Variants in CDH13 observed in about 807,000 individuals in gnomAD.
CDH13 encodes the protein cadherin 13, also known as cadherin-13.
CDH13 carries 24 observed loss-of-function variants against 63.8 expected under a neutral mutation model. The ratio of observed to expected loss-of-function variants is 0.38; its 90% CI spans 0.27 to 0.53. The LOEUF is 0.53. Among genes scored for constraint, CDH13 ranks in the 20% least tolerant of loss-of-function variants. The pLI is 0.85. For synonymous variants in CDH13, 503 were observed against 355.3 expected (o/e 1.42, Z -4.67); for missense variants, 1,049 against 903.1 (o/e 1.16, Z -2.07).
intron 3 of CDH13, among the ~76,000 whole-genome samples, chr16:83,068,449 T>C (rs928261252): frequency 6.6e-6 from 1 of 152,168 alleles, no homozygotes; most frequent in Admixed American, 6.6e-5. Flanking sequence ...ACTTGTGTGA[T>C]GACGTTCAGG....
Position 83,586,765 on chromosome 16 carries a change from C to G in CDH13, c.961-15689C>G, listed in dbSNP as rs115848178. 5.2e-3 allele frequency among the ~76,000 whole-genome samples: 796 copies of G among 152,268 alleles called. 6 individuals are homozygous for G. Among genetic ancestry groups the G allele is most frequent in the African/African-American group, 0.019 (775 of 41,554 alleles). On this transcript the variant is annotated intron_variant, in intron 7 of 13. Transcript: ENST00000567109. ...AAGCTGACTGTACCAGGCATAAAAT[C>G]ACGGGGGGAGCCTTCCAGAATAATC...
intron 7 of CDH13, among the ~76,000 whole-genome samples, chr16:83,568,024 C>T (rs950120192): frequency 6.6e-6 from 1 of 152,186 alleles, no homozygotes; most frequent in Non-Finnish European, 1.5e-5. Context: ...CATTACTTCA[C>T]CTCCAAACCC....
chr16:83,121,653 A>G (rs1412384275), intron 3 of CDH13, among the ~76,000 whole-genome samples: 1 of 152,192 alleles, frequency 6.6e-6, no homozygotes, highest in African/African-American at 2.4e-5. Flanking sequence ...GCTATGGAAC[A>G]TTTAGGATGT....
intron 4 of CDH13, among the ~76,000 whole-genome samples, chr16:83,204,051 C>T (rs971339134): frequency 2.0e-5 from 3 of 152,208 alleles, no homozygotes; most frequent in African/African-American, 7.2e-5. Context: ...GTCCCTCGTC[C>T]TGGCTCTGCC....
chr16:83,134,945 G>A (rs889260345), intron 4 of CDH13, among the ~76,000 whole-genome samples: 2 of 152,046 alleles, frequency 1.3e-5, no homozygotes, highest in African/African-American at 4.8e-5. Flanking sequence ...CCATTTTAAA[G>A]GTTCCTAGAA....
At position 82,879,016 on chromosome 16, in the gene CDH13, C is replaced by T. The variant is rs117794999; in HGVS notation, c.157+20543C>T. ...TCCTACCCCATGACCATGACACCAA[C>T]TACATCCATGATGTATATTTCCAAT... is the stretch of plus-strand genomic sequence containing the variant. On this transcript the variant is annotated intron_variant, in intron 2 of 13. Transcript: ENST00000567109. Among the ~76,000 whole-genome samples, 674 of 152,244 alleles carry T rather than the reference C, an allele frequency of 4.4e-3. 21 individuals are homozygous for T. The East Asian group carries it at 0.083, about 19-fold the overall frequency.
Position 83,434,847 on chromosome 16 carries a change from A to ATGTGTGTGTG in CDH13, c.782-51622_782-51621insTGTGTGTGTG, listed in dbSNP as rs1267789287. ...CTGCACCTATTTAAAATATATATAT[A>ATGTGTGTGTG]TGTGTGTGCGTGTGTGTGTGTGTGT... On this transcript the variant is annotated intron_variant, in intron 6 of 13. Transcript: ENST00000567109. Among the ~76,000 whole-genome samples the ATGTGTGTGTG allele has an allele frequency of 5.8e-3, 474 of 81,454 alleles. 1 individual carries two copies. The highest frequency in any genetic ancestry group is 0.03 in the Middle Eastern group (4 of 132). 53.4% of individuals were successfully genotyped at this position (81,454 alleles called of 152,430 possible).
intron 7 of CDH13, among the ~76,000 whole-genome samples, chr16:83,529,430 G>T (rs142226377): frequency 2.0e-5 from 3 of 152,074 alleles, no homozygotes; most frequent in East Asian, 1.9e-4. Flanking sequence ...AAAAATAAAA[G>T]GTTAGATCTC....
intron 3 of CDH13, among the ~76,000 whole-genome samples, chr16:83,049,420 C>T (rs1388046690): frequency 6.7e-6 from 1 of 150,254 alleles, no homozygotes; most frequent in Non-Finnish European, 1.5e-5. Context: ...CTGCAAGCTC[C>T]ACCTCCTGGG....
chr16:83,413,961 T>C (rs550274853), intron 6 of CDH13, among the ~76,000 whole-genome samples: 1 of 152,178 alleles, frequency 6.6e-6, no homozygotes, highest in East Asian at 1.9e-4. Context: ...ACCACTGTAC[T>C]CCAGCCTGGG....
chr16:83,125,127 A>G (rs895491599), intron 3 of CDH13, among the ~76,000 whole-genome samples: 1 of 152,230 alleles, frequency 6.6e-6, no homozygotes, highest in Non-Finnish European at 1.5e-5. Flanking sequence ...GGGATGAGTA[A>G]ATCAAGACTG....
chr16:83,474,263 A>G (rs2073541189), intron 6 of CDH13, among the ~76,000 whole-genome samples: 1 of 152,160 alleles, frequency 6.6e-6, no homozygotes, highest in Non-Finnish European at 1.5e-5. Flanking sequence ...CTTTAAGCCA[A>G]CTTTACACAG....
chr16:82,714,585 A>C (rs2032211526), intron 1 of CDH13, among the ~76,000 whole-genome samples: 1 of 151,408 alleles, frequency 6.6e-6, no homozygotes, highest in Non-Finnish European at 1.5e-5. Context: ...GTGTTGGCAT[A>C]CACCTGTAGT....
chr16:83,228,992 C>T (rs1424187), intron 5 of CDH13, among the ~76,000 whole-genome samples: 92,240 of 151,876 alleles, frequency 0.61, 29,947 homozygotes, highest in East Asian at 0.85. Flanking sequence ...GGGATTAGTC[C>T]AAACTCATAG....
intron 1 of CDH13, among the ~76,000 whole-genome samples, chr16:82,651,295 T>C (rs1420448278): frequency 6.6e-6 from 1 of 152,230 alleles, no homozygotes; most frequent in East Asian, 1.9e-4. Context: ...CTTCTGAATA[T>C]GATTAACTTC....
intron 8 of CDH13, among the ~76,000 whole-genome samples, chr16:83,663,635 C>G (rs548350998): frequency 6.6e-6 from 1 of 152,152 alleles, no homozygotes; most frequent in Non-Finnish European, 1.5e-5. Context: ...ATGACTCCGA[C>G]TCTTCAGGAG....
At chr16:83,664,527 ATAT>A (rs1040753915) in intron 8 of CDH13, among the ~76,000 whole-genome samples, 1 of 148,142 alleles carries the variant, frequency 6.8e-6, no homozygotes, top group African/African-American at 2.5e-5. Flanking sequence ...TTTTATTTTT[ATAT>A]TATATTTCAT....
At position 82,666,804 on chromosome 16, in the gene CDH13, G is replaced by T. The variant is rs557450765; in HGVS notation, c.45+39667G>T. On this transcript the variant is annotated intron_variant, in intron 1 of 13. Coordinates refer to ENST00000567109, the MANE Select transcript of CDH13 (RefSeq NM_001257.5). ...AAGCTGGTGAATCCAGAATTTAAAA[G>T]TAGAACATTTAATCCCAGAGCCAGC... Among the ~76,000 whole-genome samples, 4 of 152,280 alleles carry T rather than the reference G, an allele frequency of 2.6e-5. No homozygotes were observed. In the South Asian group the frequency reaches 8.3e-4, roughly 32 times the overall value.
chr16:83,145,687 A>G (rs572033575), intron 4 of CDH13, among the ~76,000 whole-genome samples: 13 of 152,292 alleles, frequency 8.5e-5, no homozygotes, highest in African/African-American at 2.9e-4. Context: ...TGCTAGGCTT[A>G]TTCTCTTCCT....
Sources: gnomAD v4.1 joint callset for allele counts (sites outside exome capture counted in the v4.1 genomes callset) on GRCh38, gnomAD v4.1.1 for gene constraint, MANE v1.5 for transcripts, NCBI Gene and HGNC (gene_info 2026-07-23, HGNC 2026-07-21) for gene names.